SDCCAG8: variants seen among roughly 807,000 people sequenced by gnomAD.
The protein encoded by SDCCAG8 is serologically defined colon cancer antigen 8.
In SDCCAG8, 74 loss-of-function variants were observed where a neutral mutation model predicts 101.8. The observed-to-expected ratio is 0.73, with a 90% CI of 0.60 to 0.88. The LOEUF is 0.88. Ranked by LOEUF, SDCCAG8 falls within the 40% of genes least tolerant of loss-of-function variation. The pLI is 0.00. For missense variants in SDCCAG8, 787 were observed against 822.6 expected (o/e 0.96, Z 0.53); for synonymous variants, 281 against 292.9 (o/e 0.96, Z 0.41).
chr1:243,340,060 C>A (rs1259875781), intron 10 of SDCCAG8, among the ~76,000 whole-genome samples: 1 of 152,176 alleles, frequency 6.6e-6, no homozygotes, highest in Admixed American at 6.5e-5. Flanking sequence ...CATTTCTAAT[C>A]TTGAGAAGAA....
chr1:243,336,617 G>A (rs947631980), intron 10 of SDCCAG8, among the ~76,000 whole-genome samples: 5 of 152,050 alleles, frequency 3.3e-5, no homozygotes, highest in Admixed American at 6.6e-5. Context: ...GTAAGAACTC[G>A]CTATCATGAG....
At chr1:243,339,947 A>G (rs1353909772) in intron 10 of SDCCAG8, among the ~76,000 whole-genome samples, 1 of 152,250 alleles carries the variant, frequency 6.6e-6, no homozygotes, top group Non-Finnish European at 1.5e-5. Context: ...AAAAACTGCC[A>G]GTACAGTATG....
At chr1:243,278,100 A>G (rs773715179) in intron 4 of SDCCAG8, among the ~76,000 whole-genome samples, 3 of 152,202 alleles carry the variant, frequency 2.0e-5, no homozygotes, top group Non-Finnish European at 4.4e-5. Flanking sequence ...TTTTGATACT[A>G]TTGAGTATCC....
At chr1:243,329,425 A>AGAGG (rs2074430755) in intron 9 of SDCCAG8, among the ~76,000 whole-genome samples, 1 of 152,204 alleles carries the variant, frequency 6.6e-6, no homozygotes, top group Admixed American at 6.5e-5. Context: ...AGCTTTCACC[A>AGAGG]GAGGGAAGCA....
chr1:243,488,224 T>C (rs1019596306), intron 16 of SDCCAG8: 7 of 152,326 alleles, frequency 4.6e-5, no homozygotes, highest in African/African-American at 1.4e-4. Context: ...CCACGAGGCC[T>C]TCGGCTCAGT....
Position 243,344,330 on chromosome 1 carries a change from A to G in SDCCAG8, c.1472A>G (p.Gln491Arg). 1 of 1,580,896 alleles carries G rather than the reference A, an allele frequency of 6.3e-7. No homozygotes were observed. The highest frequency in any genetic ancestry group is 8.7e-7 in the Non-Finnish European group (1 of 1,149,668). The change falls in exon 12 of 18, where the codon CAG (glutamine) becomes CGG (arginine). Residue 491 changes from glutamine to arginine, a missense_variant and splice_region_variant. Coordinates refer to ENST00000366541, the MANE Select transcript of SDCCAG8 (RefSeq NM_006642.5). ...KTNRDLEIKDQEIEKLRIELD... is the reference protein window; with the variant it reads ...KTNRDLEIKDREIEKLRIELD... ...AACAGGGATCTTGAAATTAAAGATCAGGTAAGAGAGGACACAGCATAATTG... is the reference window on the plus strand; with the variant it reads ...AACAGGGATCTTGAAATTAAAGATCGGGTAAGAGAGGACACAGCATAATTG...
intron 9 of SDCCAG8, chr1:243,318,556 T>TCAGC (rs766668869): frequency 8.9e-5 from 88 of 985,292 alleles, no homozygotes; most frequent in Non-Finnish European, 1.0e-4. Context: ...AAGCCTCTTG[T>TCAGC]CAGCCATTGC....
chr1:243,396,067 A>G lies in SDCCAG8; in HGVS notation c.1616+17204A>G, dbSNP rs571873260. On this transcript the variant is annotated intron_variant, in intron 13 of 17. Coordinates refer to ENST00000366541, the MANE Select transcript of SDCCAG8 (RefSeq NM_006642.5). ...ACTTTTTTGCCATATATTTTCTCCT[A>G]AAAAATGATCTTCCATTTTCTTATA... 2.5e-4 allele frequency among the ~76,000 whole-genome samples: 38 copies of G among 152,232 alleles called. No homozygotes were observed. In the South Asian group the frequency reaches 7.9e-3, roughly 32 times the overall value.
At chr1:243,318,608 C>T (rs573299649) in intron 9 of SDCCAG8, 16 of 981,452 alleles carry the variant, frequency 1.6e-5, no homozygotes, top group Admixed American at 6.1e-5. Context: ...TAACTCTTCC[C>T]GTTTGACCCT....
chr1:243,307,284 ACCATT>A, intron 7 of SDCCAG8: 1 of 58,532 alleles, frequency 1.7e-5, no homozygotes. Context: ...CCCCACCCCC[ACCATT>A]CCCCAGCCCT....
At chr1:243,288,145 C>A (rs922647343) in intron 5 of SDCCAG8, among the ~76,000 whole-genome samples, 1 of 151,996 alleles carries the variant, frequency 6.6e-6, no homozygotes, top group Non-Finnish European at 1.5e-5. Context: ...ATTGTTACCC[C>A]CACGTTTTAC....
chr1:243,267,079 CTA>C (rs1176370605), intron 1 of SDCCAG8, among the ~76,000 whole-genome samples: 2 of 151,734 alleles, frequency 1.3e-5, no homozygotes, highest in African/African-American at 4.8e-5. Context: ...CCTGTCTGTA[CTA>C]AAAGTACAAA....
chr1:243,349,102 T>C (rs1558334343), intron 12 of SDCCAG8, among the ~76,000 whole-genome samples: 1 of 152,138 alleles, frequency 6.6e-6, no homozygotes, highest in Non-Finnish European at 1.5e-5. Flanking sequence ...AGGACCCTTC[T>C]GAACAGCACA....
chr1:243,450,364 G>C (rs765520052), intron 16 of SDCCAG8, among the ~76,000 whole-genome samples: 2 of 152,170 alleles, frequency 1.3e-5, no homozygotes, highest in African/African-American at 4.8e-5. Flanking sequence ...AACTCCCCTG[G>C]CTTCATTAGC....
chr1:243,284,521 G>A (rs1414216355), intron 4 of SDCCAG8, among the ~76,000 whole-genome samples: 4 of 152,330 alleles, frequency 2.6e-5, no homozygotes, highest in Middle Eastern at 3.4e-3. Context: ...GCCTTGGGCT[G>A]TGACGTTCAC....
chr1:243,380,177 G>A (rs1484307565), intron 13 of SDCCAG8, among the ~76,000 whole-genome samples: 2 of 152,090 alleles, frequency 1.3e-5, no homozygotes, highest in Admixed American at 6.6e-5. Context: ...ACACATATAT[G>A]AGAAAAAAAT....
chr1:243,273,923 T>C (rs2068300974), intron 3 of SDCCAG8, among the ~76,000 whole-genome samples: 1 of 152,272 alleles, frequency 6.6e-6, no homozygotes, highest in Non-Finnish European at 1.5e-5. Flanking sequence ...AAAAATGATA[T>C]TCACATCCAT....
At chr1:243,459,758 A>G (rs1257751350) in intron 16 of SDCCAG8, among the ~76,000 whole-genome samples, 1 of 151,982 alleles carries the variant, frequency 6.6e-6, no homozygotes, top group East Asian at 1.9e-4. Context: ...AGGCGTACCA[A>G]CACCCTCAGC....
intron 9 of SDCCAG8, among the ~76,000 whole-genome samples, chr1:243,328,007 A>T (rs984656264): frequency 7.2e-5 from 11 of 151,898 alleles, no homozygotes; most frequent in Non-Finnish European, 2.9e-5. Context: ...GGTTCACGCC[A>T]TTCTCCTGCC....
Sources: gnomAD v4.1 joint callset for allele counts (sites outside exome capture counted in the v4.1 genomes callset) on GRCh38, gnomAD v4.1.1 for gene constraint, MANE v1.5 for transcripts, NCBI Gene and HGNC (gene_info 2026-07-23, HGNC 2026-07-21) for gene names.